Variants in DPP10 observed in about 807,000 individuals in gnomAD.
DPP10 encodes the protein dipeptidyl peptidase like 10.
In DPP10, 33 loss-of-function variants were observed where a neutral mutation model predicts 120.9. That is an observed-to-expected ratio of 0.27 (90% confidence interval 0.21 to 0.37). The LOEUF is 0.37. Among genes scored for constraint, DPP10 ranks in the 10% least tolerant of loss-of-function variants. The pLI is 1.00. For synonymous variants in DPP10, 337 were observed against 326.1 expected (o/e 1.03, Z -0.36); for missense variants, 816 against 942.8 (o/e 0.87, Z 1.76).
intron 1 of DPP10, among the ~76,000 whole-genome samples, chr2:114,654,032 G>T (rs543378387): frequency 2.6e-5 from 4 of 152,228 alleles, no homozygotes; most frequent in East Asian, 1.9e-4. Flanking sequence ...AACCTCTTCT[G>T]ATTAGTGTTC....
chr2:115,348,951 C>T (rs906722293), intron 3 of DPP10, among the ~76,000 whole-genome samples: 4 of 152,068 alleles, frequency 2.6e-5, no homozygotes, highest in African/African-American at 9.7e-5. Flanking sequence ...GTGGTCAACC[C>T]TTCACCAACT....
At chr2:114,800,185 G>C (rs1048176017) in intron 1 of DPP10, among the ~76,000 whole-genome samples, 15 of 152,156 alleles carry the variant, frequency 9.9e-5, no homozygotes, top group African/African-American at 3.6e-4. Context: ...AGAAAACCTT[G>C]AACTTGTGAT....
chr2:115,280,174 C>G (rs937422146), intron 1 of DPP10, among the ~76,000 whole-genome samples: 8 of 152,122 alleles, frequency 5.3e-5, no homozygotes, highest in African/African-American at 1.2e-4. Flanking sequence ...TGGAGGTAGA[C>G]ATTTATAATC....
At chr2:115,652,489 A>G (rs910512570) in intron 5 of DPP10, among the ~76,000 whole-genome samples, 1 of 151,256 alleles carries the variant, frequency 6.6e-6, no homozygotes, top group Non-Finnish European at 1.5e-5. Context: ...TATTATATAT[A>G]TAATGTAGAT....
intron 5 of DPP10, among the ~76,000 whole-genome samples, chr2:115,569,770 T>A (rs1053637228): frequency 1.3e-5 from 2 of 152,214 alleles, no homozygotes; most frequent in African/African-American, 4.8e-5. Flanking sequence ...GGAGGCACCA[T>A]GAGTCACTGG....
At chr2:115,726,367 A>G (rs1253534002) in intron 7 of DPP10, among the ~76,000 whole-genome samples, 1 of 152,032 alleles carries the variant, frequency 6.6e-6, no homozygotes, top group South Asian at 2.1e-4. Context: ...TTTTAGTAAT[A>G]CCCCAATGTG....
intron 1 of DPP10, among the ~76,000 whole-genome samples, chr2:115,292,471 C>T (rs1280942410): frequency 6.6e-6 from 1 of 152,042 alleles, no homozygotes; most frequent in African/African-American, 2.4e-5. Flanking sequence ...CTCATGTCTC[C>T]ATACTGAATC....
chr2:115,523,521 A>C (rs1294276452), intron 4 of DPP10, among the ~76,000 whole-genome samples: 1 of 152,010 alleles, frequency 6.6e-6, no homozygotes, highest in Non-Finnish European at 1.5e-5. Context: ...AGGTGTAACA[A>C]CTGCAACGTT....
At chr2:114,934,357 C>G (rs1696302922) in intron 1 of DPP10, among the ~76,000 whole-genome samples, 1 of 151,972 alleles carries the variant, frequency 6.6e-6, no homozygotes, top group Non-Finnish European at 1.5e-5. Flanking sequence ...ATACTATATT[C>G]TTACAAAAAA....
chr2:115,210,202 G>C (rs2056414354), intron 1 of DPP10, among the ~76,000 whole-genome samples: 1 of 151,964 alleles, frequency 6.6e-6, no homozygotes. Flanking sequence ...CCTGGTGTGT[G>C]GTGTTCCCCA....
intron 1 of DPP10, chr2:114,828,291 T>G (rs926521662): frequency 3.9e-5 from 6 of 152,210 alleles, no homozygotes; most frequent in African/African-American, 1.4e-4. Flanking sequence ...AAAACTTTAA[T>G]GTAAGAAGAA....
chr2:115,448,396 A>G (rs1288970056), intron 3 of DPP10, among the ~76,000 whole-genome samples: 1 of 152,172 alleles, frequency 6.6e-6, no homozygotes, highest in African/African-American at 2.4e-5. Flanking sequence ...AAACTGCACA[A>G]TTGTACTTTA....
chr2:115,019,103 C>T (rs889146608), intron 1 of DPP10, among the ~76,000 whole-genome samples: 2 of 151,796 alleles, frequency 1.3e-5, no homozygotes, highest in South Asian at 2.1e-4. Context: ...TCAGCTTCAC[C>T]GACACCAAGC....
chr2:114,782,324 G>GTGGAATATATATATATATATA (rs570658521), intron 1 of DPP10, among the ~76,000 whole-genome samples: 3 of 125,764 alleles, frequency 2.4e-5, no homozygotes, highest in Non-Finnish European at 4.9e-5. Flanking sequence ...AGTGAAACCT[G>GTGGAATATATATATATATATA]TGGAATATAT....
At chr2:115,172,206 A>G (rs2053399543) in intron 1 of DPP10, among the ~76,000 whole-genome samples, 1 of 152,126 alleles carries the variant, frequency 6.6e-6, no homozygotes, top group African/African-American at 2.4e-5. Context: ...GACTTCTGAT[A>G]CACTGGGATT....
intron 7 of DPP10, among the ~76,000 whole-genome samples, chr2:115,722,462 C>T (rs10182374): frequency 0.15 from 23,430 of 151,548 alleles, 2,316 homozygotes; most frequent in African/African-American, 0.28. Context: ...CGTGTCGTTA[C>T]GCAATTTTGT....
intron 1 of DPP10, among the ~76,000 whole-genome samples, chr2:114,761,588 A>G (rs1169688887): frequency 1.3e-5 from 2 of 152,162 alleles, no homozygotes; most frequent in African/African-American, 2.4e-5. Flanking sequence ...CTTTGTGCAC[A>G]GCATCCTTTG....
chr2:115,339,390 G>C (rs764921705), intron 2 of DPP10, among the ~76,000 whole-genome samples: 20 of 151,922 alleles, frequency 1.3e-4, no homozygotes, highest in Non-Finnish European at 2.4e-4. Flanking sequence ...CTGTAAAAAA[G>C]CATATGGAAT....
At chr2:115,251,285 G>A (rs1390551305) in intron 1 of DPP10, among the ~76,000 whole-genome samples, 1 of 152,124 alleles carries the variant, frequency 6.6e-6, no homozygotes, top group Admixed American at 6.6e-5. Flanking sequence ...TATTAATGAT[G>A]GCTTTAAAGC....
Sources: allele counts gnomAD v4.1 joint callset (sites outside exome capture counted in the v4.1 genomes callset), GRCh38; gene constraint gnomAD v4.1.1; transcripts MANE v1.5; gene names NCBI Gene and HGNC (gene_info 2026-07-23, HGNC 2026-07-21).